Variants in NEDD9 observed in about 807,000 individuals in gnomAD.
The protein encoded by NEDD9 is enhancer of filamentation 1.
Under a neutral mutation model 76.6 loss-of-function variants are expected in NEDD9, and 26 were observed. The observed-to-expected ratio is 0.34, with a 90% confidence interval of 0.25 to 0.47. The LOEUF (loss-of-function observed/expected upper bound fraction) is 0.47, where lower values mean the gene tolerates loss of function less well. Ranked by LOEUF, NEDD9 falls within the 20% of genes least tolerant of loss-of-function variation. The probability of loss-of-function intolerance (pLI) is 1.00; values close to 1 mark genes in which losing one functional copy is unlikely to be tolerated. For synonymous variants in NEDD9, 392 were observed against 414.2 expected (o/e 0.95, Z 0.65); for missense variants, 937 against 1,058.5 (o/e 0.89, Z 1.59).
intron 1 of NEDD9, among the ~76,000 whole-genome samples, chr6:11,220,033 T>G (rs2113769818): frequency 6.6e-6 from 1 of 152,326 alleles, no homozygotes; most frequent in Non-Finnish European, 1.5e-5. Flanking sequence ...TATGATATAA[T>G]ATAAGATATG....
intron 2 of NEDD9, among the ~76,000 whole-genome samples, chr6:11,331,214 T>C (rs1309199282): frequency 6.6e-6 from 1 of 152,182 alleles, no homozygotes; most frequent in African/African-American, 2.4e-5. Context: ...TTCACCAGAA[T>C]TATGGCAGTG....
rs75281849 is a variant in NEDD9, at chr6:11,254,642, T to C, written c.13-40915A>G. On this transcript the variant is annotated intron_variant, in intron 3 of 3. Transcript: ENST00000397378. ...ATTTGCTAAATCTGACCATCTTACA[T>C]GCAGAGAAATAGTTACTGCCATGAC... is the stretch of plus-strand genomic sequence containing the variant. Among the ~76,000 whole-genome samples the C allele has an allele frequency of 3.8e-3, 572 of 152,310 alleles. 12 individuals are homozygous for C. Among genetic ancestry groups the C allele is most frequent in the East Asian group, 0.026 (135 of 5,194 alleles).
chr6:11,202,570 A>G (rs1323108527), intron 2 of NEDD9, among the ~76,000 whole-genome samples: 1 of 152,206 alleles, frequency 6.6e-6, no homozygotes, highest in Non-Finnish European at 1.5e-5. Context: ...CTTCTCTATG[A>G]CCAGAAGAAA....
intron 3 of NEDD9, chr6:11,258,467 A>AT (rs1371439231): frequency 1.3e-5 from 2 of 151,800 alleles, no homozygotes; most frequent in East Asian, 1.9e-4. Flanking sequence ...GTTTTAATGC[A>AT]TTTTTTGCAT....
chr6:11,337,381 T>C (rs915005699), intron 1 of NEDD9, among the ~76,000 whole-genome samples: 1 of 152,220 alleles, frequency 6.6e-6, no homozygotes, highest in African/African-American at 2.4e-5. Flanking sequence ...AAAATAGTAA[T>C]TCACTATCAT....
chr6:11,285,705 C>T (rs1162785213), intron 3 of NEDD9, among the ~76,000 whole-genome samples: 3 of 152,128 alleles, frequency 2.0e-5, no homozygotes, highest in African/African-American at 7.2e-5. Context: ...AAGAGGCCTA[C>T]ACACCTATAT....
At chr6:11,330,263 C>T (rs918861766) in intron 2 of NEDD9, among the ~76,000 whole-genome samples, 4 of 152,170 alleles carry the variant, frequency 2.6e-5, no homozygotes, top group Non-Finnish European at 5.9e-5. Context: ...GTTAGACACT[C>T]CTTCTTTAGC....
chr6:11,216,721 C>G (rs1758965158), intron 1 of NEDD9, among the ~76,000 whole-genome samples: 1 of 152,208 alleles, frequency 6.6e-6, no homozygotes, highest in Admixed American at 6.5e-5. Flanking sequence ...CTTTGGTAAG[C>G]TATGGTGATG....
intron 3 of NEDD9, among the ~76,000 whole-genome samples, chr6:11,272,805 C>T (rs972792373): frequency 1.2e-4 from 18 of 152,210 alleles, no homozygotes; most frequent in African/African-American, 4.3e-4. Context: ...TTTTCGGCTT[C>T]ATCCTGGTCA....
chr6:11,349,796 G>A (rs1184956217), intron 1 of NEDD9, among the ~76,000 whole-genome samples: 1 of 152,128 alleles, frequency 6.6e-6, no homozygotes, highest in African/African-American at 2.4e-5. Context: ...GGAGGGAGAG[G>A]AGCAGAAAAA....
chr6:11,244,220 ACTC>A (rs770164356), intron 3 of NEDD9, among the ~76,000 whole-genome samples: 1 of 151,646 alleles, frequency 6.6e-6, no homozygotes, highest in Non-Finnish European at 1.5e-5. Flanking sequence ...CTTGGAGACA[ACTC>A]CTTGAAAACA....
At chr6:11,353,377 G>A (rs987349033) in intron 1 of NEDD9, among the ~76,000 whole-genome samples, 1 of 152,246 alleles carries the variant, frequency 6.6e-6, no homozygotes, top group Admixed American at 6.5e-5. Flanking sequence ...AGAACTCTGT[G>A]TGAAAGAGAC....
chr6:11,273,392 A>G (rs1157489568), intron 3 of NEDD9, among the ~76,000 whole-genome samples: 1 of 152,270 alleles, frequency 6.6e-6, no homozygotes. Flanking sequence ...TTTGTAAATG[A>G]ATAATCCCTC....
chr6:11,281,088 A>G (rs1004263132), intron 3 of NEDD9, among the ~76,000 whole-genome samples: 1 of 152,266 alleles, frequency 6.6e-6, no homozygotes, highest in Non-Finnish European at 1.5e-5. Context: ...ATATTTATTC[A>G]TAACTTCCTA....
At chr6:11,250,180 C>G (rs1759889413) in intron 3 of NEDD9, among the ~76,000 whole-genome samples, 1 of 152,226 alleles carries the variant, frequency 6.6e-6, no homozygotes, top group African/African-American at 2.4e-5. Flanking sequence ...TGAGCCTCTG[C>G]TGGTCTTTCT....
At chr6:11,338,176 G>T (rs1762203001) in intron 1 of NEDD9, among the ~76,000 whole-genome samples, 1 of 152,194 alleles carries the variant, frequency 6.6e-6, no homozygotes, top group Admixed American at 6.5e-5. Flanking sequence ...CCAATGACTG[G>T]TGTCCTTATA....
intron 3 of NEDD9, among the ~76,000 whole-genome samples, chr6:11,292,634 A>G (rs1760802825): frequency 6.6e-6 from 1 of 152,226 alleles, no homozygotes; most frequent in South Asian, 2.1e-4. Context: ...GGTGATTTAT[A>G]ACTCAATAAA....
chr6:11,346,449 C>T (rs902626009), intron 1 of NEDD9, among the ~76,000 whole-genome samples: 5 of 149,634 alleles, frequency 3.3e-5, no homozygotes, highest in Non-Finnish European at 5.9e-5. Context: ...GGTTCACTTT[C>T]GTTGTACTGT....
intron 1 of NEDD9, among the ~76,000 whole-genome samples, chr6:11,349,061 C>T (rs1345877683): frequency 6.6e-6 from 1 of 152,120 alleles, no homozygotes; most frequent in Admixed American, 6.5e-5. Flanking sequence ...CCATAAGAAA[C>T]TTTAACAAAT....
Sources: allele counts gnomAD v4.1 joint callset (sites outside exome capture counted in the v4.1 genomes callset), GRCh38; gene constraint gnomAD v4.1.1; transcripts MANE v1.5; gene names NCBI Gene and HGNC (gene_info 2026-07-23, HGNC 2026-07-21).